PDZD2: variants seen among roughly 807,000 people sequenced by gnomAD.
The protein encoded by PDZD2 is PDZ domain-containing protein 2.
PDZD2 carries 90 observed loss-of-function variants against 220.7 expected under a neutral mutation model. That is an observed-to-expected ratio of 0.41 (90% CI 0.34 to 0.49). The LOEUF (loss-of-function observed/expected upper bound fraction) is 0.49. PDZD2 is among the 20% of genes least tolerant of loss of function. The pLI, the probability that PDZD2 is intolerant of heterozygous loss-of-function variation, is 0.28. For missense variants in PDZD2, 3,174 were observed against 3,608.5 expected, an observed-to-expected ratio of 0.88 and a Z score of 3.08; for synonymous variants, 1,375 against 1,450.5, an observed-to-expected ratio of 0.95 and a Z score of 1.18.
intron 2 of PDZD2, chr5:31,855,208 T>G: frequency 1.4e-6 from 1 of 732,694 alleles, no homozygotes; most frequent in Non-Finnish European, 1.7e-6. Flanking sequence ...TCAGGTTTTC[T>G]GATCTGATCC....
chr5:31,850,243 T>TATATACACACAC (rs577432352), intron 2 of PDZD2, among the ~76,000 whole-genome samples: 6 of 122,232 alleles, frequency 4.9e-5, no homozygotes, highest in South Asian at 5.1e-4. Flanking sequence ...TATATATATA[T>TATATACACACAC]ACACACACAC....
chr5:31,807,924 C>T (rs979847415), intron 2 of PDZD2, among the ~76,000 whole-genome samples: 2 of 152,216 alleles, frequency 1.3e-5, no homozygotes. Context: ...CTGCCTTGAA[C>T]TTGCATGTAA....
intron 1 of PDZD2, among the ~76,000 whole-genome samples, chr5:31,764,969 C>T (rs889596460): frequency 1.6e-4 from 25 of 151,992 alleles, no homozygotes; most frequent in Non-Finnish European, 2.2e-4. Flanking sequence ...CCCAGCTACT[C>T]GGGAGGCTAA....
chr5:31,983,313 A>T lies in PDZD2; in HGVS notation c.635A>T (p.Lys212Met). ...GAGCTGGGTGACCGAACTGCGAAAA[A>T]GGGGAAACGAACCAGAAAGTTTGGG... ...TLELGDRTAK[K>M]GKRTRKFGVI... is the part of the protein sequence containing the mutation. The change falls in exon 3 of 25, where the codon AAG becomes ATG. Residue 212 changes from lysine to methionine, a missense_variant. By Grantham distance (95) the Lys-to-Met change is moderately conservative. Around this residue, in one of 4 missense-constraint regions of PDZD2, gnomAD observed 632 missense variants for 708.1 expected, o/e 0.89. Coordinates refer to ENST00000438447, the MANE Select transcript of PDZD2 (RefSeq NM_178140.4). 1.2e-6 allele frequency: 2 copies of T among 1,614,184 alleles called. No homozygotes were observed. Among genetic ancestry groups the T allele is most frequent in the Non-Finnish European group, 1.7e-6 (2 of 1,180,004 alleles).
At chr5:31,645,285 T>C (rs1745092578) in intron 1 of PDZD2, among the ~76,000 whole-genome samples, 1 of 151,496 alleles carries the variant, frequency 6.6e-6, no homozygotes, top group South Asian at 2.1e-4. Flanking sequence ...TTCTTTGAGG[T>C]GTTTTAGCAG....
rs370513805 is a variant in PDZD2, at chr5:32,091,055, G to T, written c.7607G>T (p.Gly2536Val). ...GGCGTTTCGTGTCCCGAGAAGGGCG[G>T]GAACAGGGCCTGTCCAGGAGGAAGT... ...AGGVSCPEKG[G>V]NRACPGGSGP... The change falls in exon 20 of 25, where the codon GGG (glycine) becomes GTG (valine). Residue 2536 changes from glycine to valine, a missense_variant. Physicochemically the swap from Gly to Val is moderately radical, Grantham distance 109 (BLOSUM62 -3). Around this residue, in one of 4 missense-constraint regions of PDZD2, gnomAD observed 631 missense variants for 789.9 expected, o/e 0.80. Coordinates refer to ENST00000438447, the MANE Select transcript of PDZD2 (RefSeq NM_178140.4). 3 of 1,613,820 alleles carry T rather than the reference G, an allele frequency of 1.9e-6. No individual in the cohort carries two copies. In the South Asian group the frequency reaches 3.3e-5, roughly 18 times the overall value.
intron 1 of PDZD2, among the ~76,000 whole-genome samples, chr5:31,742,806 C>G (rs1750349535): frequency 6.6e-6 from 1 of 152,184 alleles, no homozygotes; most frequent in African/African-American, 2.4e-5. Context: ...AGAACAAGCC[C>G]TGGTACACAA....
rs373706361 is a variant in PDZD2, at chr5:31,983,434, C to T, written c.756C>T (p.Asn252=). Residue 252 remains asparagine, a synonymous_variant, in exon 3 of 25, where the codon AAC becomes AAT. Coordinates refer to ENST00000438447, the MANE Select transcript of PDZD2 (RefSeq NM_178140.4). The stretch of plus-strand genomic sequence containing the variant: ...GTGACCCCAGCACTGAGCTGGAGAA[C>T]GGCCCTGACCCTGAACTTGGAAACG... ...VSSDPSTELE[N]GPDPELGNGH... 30 of 1,614,174 alleles carry T rather than the reference C, an allele frequency of 1.9e-5. No individual in the cohort carries two copies. Among genetic ancestry groups the T allele is most frequent in the African/African-American group, 2.7e-5 (2 of 75,054 alleles).
At chr5:31,952,800 C>T (rs1747296082) in intron 2 of PDZD2, among the ~76,000 whole-genome samples, 1 of 152,096 alleles carries the variant, frequency 6.6e-6, no homozygotes, top group Admixed American at 6.5e-5. Context: ...TGGCTCATGC[C>T]TGTAATCCCA....
intron 24 of PDZD2, among the ~76,000 whole-genome samples, chr5:32,104,716 T>TAAAAAAAAAA (rs755177769): frequency 3.3e-5 from 1 of 30,056 alleles, no homozygotes; most frequent in Non-Finnish European, 7.6e-5. Context: ...AGGCTCCATC[T>TAAAAAAAAAA]AAAAAAAAAA....
At chr5:31,947,126 AT>A (rs1289413759) in intron 2 of PDZD2, among the ~76,000 whole-genome samples, 3 of 152,226 alleles carry the variant, frequency 2.0e-5, no homozygotes, top group Non-Finnish European at 1.5e-5. Flanking sequence ...GCTAACTGGT[AT>A]CAAGGGTGCC....
At chr5:32,013,988 G>T (rs867180419) in intron 6 of PDZD2, among the ~76,000 whole-genome samples, 11 of 152,198 alleles carry the variant, frequency 7.2e-5, no homozygotes, top group Admixed American at 1.3e-4. Flanking sequence ...CATTTTCCAG[G>T]CTTCACAGTC....
chr5:32,080,856 G>A (rs1741874244), intron 19 of PDZD2, among the ~76,000 whole-genome samples: 1 of 152,062 alleles, frequency 6.6e-6, no homozygotes, highest in Non-Finnish European at 1.5e-5. Context: ...ACTTATAAGT[G>A]GGAGCTAAAC....
intron 2 of PDZD2, among the ~76,000 whole-genome samples, chr5:31,976,658 T>A (rs1749789097): frequency 6.6e-6 from 1 of 151,812 alleles, no homozygotes; most frequent in Non-Finnish European, 1.5e-5. Flanking sequence ...TGCCCAGTGG[T>A]GGTGATACAA....
chr5:31,838,085 T>C (rs1353110733), intron 2 of PDZD2, among the ~76,000 whole-genome samples: 1 of 152,230 alleles, frequency 6.6e-6, no homozygotes, highest in Non-Finnish European at 1.5e-5. Context: ...TTATACTTTA[T>C]GGACCCCAGG....
intron 1 of PDZD2, among the ~76,000 whole-genome samples, chr5:31,645,351 T>C (rs1425214125): frequency 8.3e-5 from 12 of 145,212 alleles, no homozygotes; most frequent in East Asian, 3.9e-4. Context: ...TTTTTTTTTT[T>C]TTTGAGACGG....
At chr5:31,879,393 GAA>G (rs11320736) in intron 2 of PDZD2, among the ~76,000 whole-genome samples, 175 of 130,688 alleles carry the variant, frequency 1.3e-3, no homozygotes, top group South Asian at 2.2e-3. Flanking sequence ...TCTCAAAAAG[GAA>G]AAAAAAAAAA....
At chr5:31,902,676 A>G (rs968840135) in intron 2 of PDZD2, among the ~76,000 whole-genome samples, 3 of 150,932 alleles carry the variant, frequency 2.0e-5, no homozygotes, top group Admixed American at 2.0e-4. Flanking sequence ...CATGGCCAAC[A>G]TGGTGAAACC....
chr5:32,085,788 T>C (rs140763533), intron 19 of PDZD2, among the ~76,000 whole-genome samples: 38 of 152,300 alleles, frequency 2.5e-4, no homozygotes, highest in Middle Eastern at 3.4e-3. Context: ...TGTCTTTTGT[T>C]TTTTTTACAC....
Sources: gnomAD v4.1 joint callset for allele counts (sites outside exome capture counted in the v4.1 genomes callset) on GRCh38, gnomAD v4.1.1 for gene constraint, gnomAD v4.1.1 regional missense constraint, MANE v1.5 for transcripts, NCBI Gene and HGNC (gene_info 2026-07-23, HGNC 2026-07-21) for gene names.